The following NFAM1 variants were observed in gnomAD, a reference collection of about 807,000 sequenced individuals.
NFAM1 encodes the protein NFAT activating protein with ITAM motif 1.
NFAM1 carries 17 observed loss-of-function variants against 29.0 expected under a neutral mutation model. The ratio of observed to expected loss-of-function variants is 0.59; its 90% CI spans 0.40 to 0.88. The LOEUF (loss-of-function observed/expected upper bound fraction) is 0.88. NFAM1 is among the 40% of genes least tolerant of loss of function. The pLI, the probability that NFAM1 is intolerant of heterozygous loss-of-function variation, is 0.00. For missense variants in NFAM1, 324 were observed against 344.6 expected (o/e 0.94, Z 0.47); for synonymous variants, 175 against 147.2 (o/e 1.19, Z -1.36).
Position 42,385,177 on chromosome 22 carries a change from A to G in NFAM1, c.797T>C (p.Val266Ala). The G allele has an allele frequency of 6.2e-7, 1 of 1,613,488 alleles. No individual in the cohort carries two copies. Among genetic ancestry groups the G allele is most frequent in the East Asian group, 2.2e-5 (1 of 44,878 alleles). Residue 266 changes from valine to alanine, a missense_variant, in exon 6 of 6, where the codon GTC (valine) becomes GCC (alanine). Physicochemically the swap from Val to Ala is moderately conservative, Grantham distance 64. Coordinates refer to ENST00000329021, the MANE Select transcript of NFAM1 (RefSeq NM_145912.8). ...GAGCCCATCCTAGAGATTTTCATAG[A>G]CCAGGTTAAGTTCGCCATCATCTTC... ...RFEDDGELNL[V>A]YENL
chr22:42,389,337 C>G (rs1400482833), intron 4 of NFAM1, among the ~76,000 whole-genome samples: 1 of 152,112 alleles, frequency 6.6e-6, no homozygotes, highest in Admixed American at 6.5e-5. Flanking sequence ...AGGGCAGGAG[C>G]AGCTGCGGGG....
chr22:42,398,179 G>A (rs1162326599), intron 3 of NFAM1, among the ~76,000 whole-genome samples: 2 of 152,150 alleles, frequency 1.3e-5, no homozygotes, highest in African/African-American at 2.4e-5. Context: ...AGGCCCACAC[G>A]AGGTGATGTC....
chr22:42,411,807 AAGG>A, intron 1 of NFAM1, 71 bp from the exon 2 acceptor site: 1 of 1,082,680 alleles, frequency 9.2e-7, no homozygotes, highest in Non-Finnish European at 1.4e-6. Flanking sequence ...CTTGCCTGTT[AAGG>A]CTCACGACCG....
At chr22:42,402,373 G>A (rs1263340279) in intron 3 of NFAM1, among the ~76,000 whole-genome samples, 1 of 152,216 alleles carries the variant, frequency 6.6e-6, no homozygotes, top group Non-Finnish European at 1.5e-5. Flanking sequence ...CCATGGTCTG[G>A]AGCTTGGGGA....
intron 3 of NFAM1, among the ~76,000 whole-genome samples, chr22:42,403,367 G>T (rs1475483789): frequency 3.3e-5 from 5 of 152,204 alleles, no homozygotes; most frequent in Non-Finnish European, 7.3e-5. Flanking sequence ...TAAGAGTTTA[G>T]CTTGCTGTGT....
At chr22:42,397,750 G>A in intron 4 of NFAM1, 108 bp downstream of exon 4, 1 of 712,926 alleles carries the variant, frequency 1.4e-6, no homozygotes, top group Non-Finnish European at 2.6e-6. Context: ...TTGAGGCTAG[G>A]AGAGTCCACA....
chr22:42,389,187 G>A (rs561424460), intron 4 of NFAM1, among the ~76,000 whole-genome samples: 37 of 152,314 alleles, frequency 2.4e-4, no homozygotes, highest in African/African-American at 8.7e-4. Flanking sequence ...AGCTCAGCCG[G>A]GCTGCCCAGA....
intron 1 of NFAM1, among the ~76,000 whole-genome samples, chr22:42,418,598 C>A (rs1010201812): frequency 6.6e-6 from 1 of 152,060 alleles, no homozygotes; most frequent in Non-Finnish European, 1.5e-5. Flanking sequence ...GAGGGTAAGG[C>A]AAGAGAATCG....
chr22:42,398,162 A>C (rs901958564), intron 3 of NFAM1, among the ~76,000 whole-genome samples: 4 of 152,200 alleles, frequency 2.6e-5, no homozygotes, highest in Non-Finnish European at 5.9e-5. Flanking sequence ...GACACAGGAA[A>C]TGGAAAAGGC....
chr22:42,433,834 T>C (rs1930876967), upstream of NFAM1, among the ~76,000 whole-genome samples: 1 of 152,192 alleles, frequency 6.6e-6, no homozygotes, highest in South Asian at 2.1e-4. Context: ...TTCACGCTAT[T>C]CCTGGCTCCT....
At chr22:42,407,495 A>G (rs1354493532) in intron 3 of NFAM1, among the ~76,000 whole-genome samples, 1 of 151,892 alleles carries the variant, frequency 6.6e-6, no homozygotes, top group Admixed American at 6.6e-5. Flanking sequence ...CAGCCTCCCA[A>G]GTAGCTGGGA....
chr22:42,400,121 G>C (rs1929677727), intron 3 of NFAM1, among the ~76,000 whole-genome samples: 1 of 152,238 alleles, frequency 6.6e-6, no homozygotes, highest in South Asian at 2.1e-4. Flanking sequence ...TTTGAATCCA[G>C]GTCTGTGTTT....
At chr22:42,433,295 G>C (rs1478478389), upstream of NFAM1, among the ~76,000 whole-genome samples, 2 of 152,238 alleles carry the variant, frequency 1.3e-5, no homozygotes, top group Admixed American at 6.5e-5. Flanking sequence ...GAAGACGCAG[G>C]CGGGAAGGTG....
At chr22:42,404,460 G>A (rs1269249012) in intron 3 of NFAM1, among the ~76,000 whole-genome samples, 1 of 152,094 alleles carries the variant, frequency 6.6e-6, no homozygotes, top group Non-Finnish European at 1.5e-5. Flanking sequence ...GGCTCCCAGG[G>A]CTGCTTTAGC....
chr22:42,426,297 C>T (rs758014257), intron 1 of NFAM1, among the ~76,000 whole-genome samples: 5 of 152,172 alleles, frequency 3.3e-5, no homozygotes, highest in Non-Finnish European at 5.9e-5. Flanking sequence ...GGCCCACCAG[C>T]AGCAAGCAAA....
intron 3 of NFAM1, among the ~76,000 whole-genome samples, chr22:42,402,137 C>T (rs1448421632): frequency 2.0e-5 from 3 of 152,162 alleles, no homozygotes; most frequent in Admixed American, 1.3e-4. Context: ...TGGAGCCCAG[C>T]CTGGGACGCC....
intron 4 of NFAM1, among the ~76,000 whole-genome samples, chr22:42,395,657 C>T (rs545806621): frequency 1.0e-3 from 157 of 151,436 alleles, no homozygotes; most frequent in Admixed American, 2.0e-3. Flanking sequence ...CTGAGGTGGG[C>T]GGACCACGAG....
chr22:42,425,053 C>G (rs557526080), intron 1 of NFAM1, among the ~76,000 whole-genome samples: 19 of 152,210 alleles, frequency 1.2e-4, no homozygotes, highest in African/African-American at 3.9e-4. Flanking sequence ...TCCCCAGTAG[C>G]TGGAATTACA....
At chr22:42,407,878 C>T (rs1040119234) in intron 3 of NFAM1, among the ~76,000 whole-genome samples, 22 of 151,490 alleles carry the variant, frequency 1.5e-4, no homozygotes, top group Admixed American at 6.6e-5. Flanking sequence ...AGGTGTGAGC[C>T]ACCATACCTG....
Sources: allele counts gnomAD v4.1 joint callset (sites outside exome capture counted in the v4.1 genomes callset), GRCh38; gene constraint gnomAD v4.1.1; transcripts MANE v1.5; gene names NCBI Gene and HGNC (gene_info 2026-07-23, HGNC 2026-07-21).